The following RTN4RL1 variants were observed in gnomAD, a reference collection of about 807,000 sequenced individuals.
The protein encoded by RTN4RL1 is reticulon 4 receptor like 1, also known as reticulon-4 receptor-like 1.
A neutral mutation model predicts 25.6 loss-of-function variants in RTN4RL1; 7 were observed. The ratio of observed to expected loss-of-function variants is 0.27; its 90% CI spans 0.16 to 0.51. RTN4RL1 has a LOEUF of 0.51. Ranked by LOEUF, RTN4RL1 falls within the 20% of genes least tolerant of loss-of-function variation. The pLI is 0.97. For missense variants in RTN4RL1, 500 were observed against 615.6 expected (o/e 0.81, Z 1.99); for synonymous variants, 297 against 288.2 (o/e 1.03, Z -0.31).
chr17:1,954,129 C>G (rs1489578938), intron 1 of RTN4RL1, among the ~76,000 whole-genome samples: 1 of 152,184 alleles, frequency 6.6e-6, no homozygotes, highest in East Asian at 1.9e-4. Flanking sequence ...GTAGTATGTC[C>G]TCTTTCTGTT....
intron 1 of RTN4RL1, among the ~76,000 whole-genome samples, chr17:1,988,518 AAAAAG>A (rs1210250771): frequency 1.0e-3 from 89 of 86,654 alleles, no homozygotes; most frequent in South Asian, 8.1e-3. Flanking sequence ...AAAAAAAAAA[AAAAAG>A]AAAAGAAAAG....
intron 1 of RTN4RL1, among the ~76,000 whole-genome samples, chr17:1,968,037 C>T (rs958808277): frequency 6.6e-6 from 1 of 152,176 alleles, no homozygotes; most frequent in African/African-American, 2.4e-5. Flanking sequence ...CGGGACCACT[C>T]CAACTTTCCT....
At chr17:1,943,747 C>T (rs1383491622) in intron 1 of RTN4RL1, among the ~76,000 whole-genome samples, 1 of 152,216 alleles carries the variant, frequency 6.6e-6, no homozygotes, top group Admixed American at 6.5e-5. Context: ...CCCTCTGCAG[C>T]CCCGCCTGGA....
rs1597232099 is a variant in RTN4RL1, at chr17:1,994,675, G to A, written c.13+30178C>T. ...TCCCAGCTCCGCCACTGACAGGCCCGGTGACCTCGGTCAACACAAGCAGGC... is the reference window on the plus strand; with the variant it reads ...TCCCAGCTCCGCCACTGACAGGCCCAGTGACCTCGGTCAACACAAGCAGGC... On this transcript the variant is annotated intron_variant, in intron 1 of 1. Transcript: ENST00000331238. This position sits in a 1 kb window ranked among gnomAD's most constrained non-coding sequence, Gnocchi z 4.3. Among the ~76,000 whole-genome samples, 1 of 152,240 alleles carries A rather than the reference G, an allele frequency of 6.6e-6. No individual in the cohort carries two copies. The highest frequency in any genetic ancestry group is 2.1e-4 in the South Asian group (1 of 4,820).
intron 1 of RTN4RL1, among the ~76,000 whole-genome samples, chr17:1,981,245 G>A (rs2066866045): frequency 6.6e-6 from 1 of 151,966 alleles, no homozygotes; most frequent in Non-Finnish European, 1.5e-5. Flanking sequence ...TCTGGGTATA[G>A]TAGTGCACAC....
At chr17:2,007,085 T>C (rs183129880) in intron 1 of RTN4RL1, among the ~76,000 whole-genome samples, 132 of 152,266 alleles carry the variant, frequency 8.7e-4, no homozygotes, top group African/African-American at 2.6e-3. Flanking sequence ...TGCAGCTCTC[T>C]GAGCTTCAAT....
chr17:1,952,854 A>G (rs1172350780), intron 1 of RTN4RL1, among the ~76,000 whole-genome samples: 1 of 151,176 alleles, frequency 6.6e-6, no homozygotes, highest in Non-Finnish European at 1.5e-5. Flanking sequence ...AGGGGGGTTG[A>G]TCACCTGAGG....
intron 1 of RTN4RL1, among the ~76,000 whole-genome samples, chr17:2,021,199 G>A (rs2067196528): frequency 6.6e-6 from 1 of 152,130 alleles, no homozygotes; most frequent in South Asian, 2.1e-4. Flanking sequence ...CTCCCAAAAT[G>A]TCATGCCAGG....
intron 1 of RTN4RL1, among the ~76,000 whole-genome samples, chr17:2,011,841 G>T (rs1052477679): frequency 6.6e-6 from 1 of 152,172 alleles, no homozygotes; most frequent in Non-Finnish European, 1.5e-5. Flanking sequence ...CGTGTGAGTG[G>T]TAAAATGTCC....
intron 1 of RTN4RL1, among the ~76,000 whole-genome samples, chr17:1,971,589 G>A (rs184686070): frequency 1.2e-4 from 19 of 152,206 alleles, no homozygotes; most frequent in African/African-American, 4.6e-4. Flanking sequence ...CAGCACGTCG[G>A]GAGGCTGAGG....
At chr17:1,942,848 C>T (rs1429976101) in intron 1 of RTN4RL1, among the ~76,000 whole-genome samples, 1 of 152,172 alleles carries the variant, frequency 6.6e-6, no homozygotes, top group East Asian at 1.9e-4. Context: ...AGGCAATGGC[C>T]ACAGCCCGTG....
At chr17:1,990,310 T>G (rs1597229897) in intron 1 of RTN4RL1, among the ~76,000 whole-genome samples, 1 of 151,950 alleles carries the variant, frequency 6.6e-6, no homozygotes, top group East Asian at 1.9e-4. Context: ...GAGGTTGCAG[T>G]GAGCCGAGAT....
intron 1 of RTN4RL1, among the ~76,000 whole-genome samples, chr17:1,945,216 C>A (rs1597487892): frequency 6.6e-6 from 1 of 152,220 alleles, no homozygotes; most frequent in African/African-American, 2.4e-5. Flanking sequence ...GTCTGAGCAA[C>A]CTGGTGGTTT....
chr17:2,021,438 C>A (rs1597260636), intron 1 of RTN4RL1, among the ~76,000 whole-genome samples: 1 of 152,090 alleles, frequency 6.6e-6, no homozygotes, highest in Admixed American at 6.6e-5. Context: ...TCTTTCAAAC[C>A]CTTTTCAGAA....
chr17:1,964,660 A>G (rs1370818362), intron 1 of RTN4RL1, among the ~76,000 whole-genome samples: 1 of 150,266 alleles, frequency 6.7e-6, no homozygotes, highest in African/African-American at 2.5e-5. Context: ...TGAACCTGGG[A>G]GGCGGAGCTT....
At chr17:2,021,665 C>G (rs1380314652) in intron 1 of RTN4RL1, among the ~76,000 whole-genome samples, 3 of 150,156 alleles carry the variant, frequency 2.0e-5, no homozygotes, top group African/African-American at 7.4e-5. Flanking sequence ...AGCAATTCTC[C>G]TGCCTCAACT....
chr17:2,001,060 T>TA (rs2084789693), intron 1 of RTN4RL1, among the ~76,000 whole-genome samples: 1 of 151,082 alleles, frequency 6.6e-6, no homozygotes, highest in Admixed American at 6.6e-5. Flanking sequence ...TTTACTTTTT[T>TA]TTTTTTTGTA....
chr17:1,948,030 C>G (rs1915593780), intron 1 of RTN4RL1, among the ~76,000 whole-genome samples: 1 of 152,202 alleles, frequency 6.6e-6, no homozygotes, highest in Non-Finnish European at 1.5e-5. Flanking sequence ...GCTTAGGGCT[C>G]TCCCAACCCC....
intron 1 of RTN4RL1, among the ~76,000 whole-genome samples, chr17:2,005,739 TTCTCTCTCTCTCTCTC>T (rs61209329): frequency 6.9e-6 from 1 of 145,128 alleles, no homozygotes; most frequent in Non-Finnish European, 1.5e-5. Context: ...CTCTCTCTCT[TTCTCTCTCTCTCTCTC>T]TCTCTCTCTC....
Sources: gnomAD v4.1 joint callset for allele counts (sites outside exome capture counted in the v4.1 genomes callset) on GRCh38, gnomAD v4.1.1 for gene constraint, Gnocchi (gnomAD v3.1) non-coding constraint, MANE v1.5 for transcripts, NCBI Gene and HGNC (gene_info 2026-07-23, HGNC 2026-07-21) for gene names.